The following WWOX variants were observed in gnomAD, a reference collection of about 807,000 sequenced individuals.
WWOX encodes WW domain containing oxidoreductase.
In WWOX, 69 loss-of-function variants were observed where a neutral mutation model predicts 46.2. That is an observed-to-expected ratio of 1.49 (90% CI 1.23 to 1.82). The LOEUF (loss-of-function observed/expected upper bound fraction) is 1.82, where lower values mean the gene tolerates loss of function less well. Ranked by LOEUF, WWOX falls within the 40% of genes most tolerant of loss-of-function variation. The pLI, the probability that WWOX is intolerant of heterozygous loss-of-function variation, is 0.00. For synonymous variants in WWOX, 359 were observed against 202.6 expected (o/e 1.77, Z -6.56); for missense variants, 919 against 542.6 (o/e 1.69, Z -6.89).
chr16:79,033,212 A>G (rs2047800064), intron 8 of WWOX, among the ~76,000 whole-genome samples: 1 of 147,278 alleles, frequency 6.8e-6, no homozygotes. Context: ...ATGTGTATAT[A>G]TATATTTGTT....
chr16:79,070,358 G>A (rs1003724804), intron 8 of WWOX, among the ~76,000 whole-genome samples: 1 of 151,644 alleles, frequency 6.6e-6, no homozygotes, highest in African/African-American at 2.4e-5. Flanking sequence ...CTGTTGAGAA[G>A]TAAATTGTGC....
chr16:78,434,224 A>G lies in WWOX; in HGVS notation c.1056+1472A>G, dbSNP rs116861738. ...GACATATTCCAAGAGTCGAATACTT[A>G]GGATCAGTGGCAGTGAAGTGAAAGG... On this transcript the variant is annotated intron_variant, in intron 8 of 8. Transcript: ENST00000566780. Among the ~76,000 whole-genome samples the G allele has an allele frequency of 5.4e-3, 818 of 152,310 alleles. 35 individuals carry two copies. The East Asian group carries it at 0.11, about 20-fold the overall frequency.
At chr16:78,524,144 G>A (rs2043407018) in intron 8 of WWOX, among the ~76,000 whole-genome samples, 1 of 152,084 alleles carries the variant, frequency 6.6e-6, no homozygotes, top group Non-Finnish European at 1.5e-5. Context: ...TGATGTGTTT[G>A]GGTTGATTCC....
intron 8 of WWOX, among the ~76,000 whole-genome samples, chr16:78,953,361 C>T (rs1343147473): frequency 2.0e-5 from 3 of 152,136 alleles, no homozygotes; most frequent in South Asian, 2.1e-4. Context: ...GGGCTTTGCA[C>T]ACTAATTGTA....
At chr16:78,752,300 G>GT (rs2049501911) in intron 8 of WWOX, among the ~76,000 whole-genome samples, 1 of 151,868 alleles carries the variant, frequency 6.6e-6, no homozygotes, top group African/African-American at 2.4e-5. Flanking sequence ...TTTCCTTTTT[G>GT]TTTTTGACGG....
chr16:78,524,674 C>T (rs943514824), intron 8 of WWOX, among the ~76,000 whole-genome samples: 5 of 151,944 alleles, frequency 3.3e-5, no homozygotes, highest in African/African-American at 9.7e-5. Flanking sequence ...CCGCCTCAGC[C>T]TCCCAAAGTA....
chr16:78,832,303 C>A (rs566663319), intron 8 of WWOX, among the ~76,000 whole-genome samples: 36 of 152,308 alleles, frequency 2.4e-4, no homozygotes, highest in African/African-American at 8.7e-4. Context: ...GTCATCTGGT[C>A]TCCCACAGAG....
intron 8 of WWOX, among the ~76,000 whole-genome samples, chr16:78,591,461 C>T (rs993442999): frequency 6.6e-6 from 1 of 152,198 alleles, no homozygotes; most frequent in East Asian, 1.9e-4. Flanking sequence ...CTCTGCATCC[C>T]CTCTTCCCTC....
intron 8 of WWOX, among the ~76,000 whole-genome samples, chr16:78,950,615 A>G (rs1467131448): frequency 1.3e-5 from 2 of 152,026 alleles, no homozygotes; most frequent in Non-Finnish European, 2.9e-5. Flanking sequence ...AAAAGATTGA[A>G]CTTAAAAATG....
intron 8 of WWOX, among the ~76,000 whole-genome samples, chr16:78,961,329 C>T (rs2046266674): frequency 6.6e-6 from 1 of 152,200 alleles, no homozygotes; most frequent in African/African-American, 2.4e-5. Flanking sequence ...ATGTAGTTCT[C>T]TGTAAAACTA....
chr16:79,154,939 G>T (rs2050352073), intron 8 of WWOX, among the ~76,000 whole-genome samples: 2 of 152,226 alleles, frequency 1.3e-5, no homozygotes, highest in South Asian at 4.1e-4. Context: ...AAGAGGAAGA[G>T]CTGTCATTCC....
intron 8 of WWOX, among the ~76,000 whole-genome samples, chr16:78,542,602 C>T (rs568431781): frequency 1.1e-4 from 16 of 152,240 alleles, no homozygotes; most frequent in South Asian, 2.1e-4. Flanking sequence ...AGGTTCCTAC[C>T]GCACAGATCC....
intron 8 of WWOX, among the ~76,000 whole-genome samples, chr16:78,792,203 C>T (rs1439112143): frequency 4.6e-5 from 7 of 152,138 alleles, no homozygotes; most frequent in Non-Finnish European, 1.0e-4. Context: ...TTTGAGGTGA[C>T]CTTGGCTAAG....
chr16:78,545,088 T>C (rs1217958821), intron 8 of WWOX, among the ~76,000 whole-genome samples: 5 of 152,168 alleles, frequency 3.3e-5, no homozygotes, highest in Admixed American at 2.6e-4. Context: ...AAGTTTTCAT[T>C]CTCATTTTAG....
Position 78,590,612 on chromosome 16 carries a change from G to A in WWOX, c.1056+157860G>A, listed in dbSNP as rs927688750. ...ACATAACCAAGTTCTCCTGCAGTTT[G>A]TGTGTTAAGGCAGATGGAAATGTCT... On this transcript the variant is annotated intron_variant, in intron 8 of 8. Coordinates refer to ENST00000566780, the MANE Select transcript of WWOX (RefSeq NM_016373.4). Among the ~76,000 whole-genome samples the A allele has an allele frequency of 3.3e-5, 5 of 151,832 alleles. No individual in the cohort carries two copies. In the South Asian group the frequency reaches 8.4e-4, roughly 26 times the overall value.
chr16:78,205,495 C>G (rs940934389), intron 5 of WWOX, among the ~76,000 whole-genome samples: 2 of 152,024 alleles, frequency 1.3e-5, no homozygotes, highest in African/African-American at 2.4e-5. Context: ...ATACATTCAT[C>G]TAGTCATCCC....
intron 8 of WWOX, among the ~76,000 whole-genome samples, chr16:78,876,629 C>G (rs28415811): frequency 6.6e-6 from 1 of 152,156 alleles, no homozygotes; most frequent in African/African-American, 2.4e-5. Flanking sequence ...GTACTGCTTT[C>G]TCTAGAGATC....
At chr16:78,681,065 A>G (rs977571974) in intron 8 of WWOX, among the ~76,000 whole-genome samples, 2 of 152,206 alleles carry the variant, frequency 1.3e-5, no homozygotes, top group African/African-American at 2.4e-5. Context: ...CCTGGCTAAC[A>G]TGGTGAAACC....
chr16:78,658,573 T>C (rs1267356541), intron 8 of WWOX, among the ~76,000 whole-genome samples: 4 of 152,176 alleles, frequency 2.6e-5, no homozygotes, highest in Admixed American at 2.0e-4. Context: ...GCTCCGTGCC[T>C]CTCCTCCAGC....
Sources: gnomAD v4.1 joint callset for allele counts (sites outside exome capture counted in the v4.1 genomes callset) on GRCh38, gnomAD v4.1.1 for gene constraint, MANE v1.5 for transcripts, NCBI Gene and HGNC (gene_info 2026-07-23, HGNC 2026-07-21) for gene names.